The following SLC8A1 variants were observed in gnomAD, a reference collection of about 807,000 sequenced individuals.
SLC8A1 encodes solute carrier family 8 member A1.
In SLC8A1, 18 loss-of-function variants were observed where a neutral mutation model predicts 68.3. The ratio of observed to expected loss-of-function variants is 0.26; its 90% CI spans 0.18 to 0.39. The LOEUF (loss-of-function observed/expected upper bound fraction) is 0.39. Among genes scored for constraint, SLC8A1 ranks in the 10% least tolerant of loss-of-function variants. The probability of loss-of-function intolerance (pLI) is 1.00; values close to 1 mark genes in which losing one functional copy is unlikely to be tolerated. For synonymous variants in SLC8A1, 475 were observed against 415.5 expected (o/e 1.14, Z -1.74); for missense variants, 985 against 1,156.7 (o/e 0.85, Z 2.15).
At chr2:40,354,057 C>A (rs1006201797) in intron 2 of SLC8A1, among the ~76,000 whole-genome samples, 1 of 152,192 alleles carries the variant, frequency 6.6e-6, no homozygotes, top group Non-Finnish European at 1.5e-5. Flanking sequence ...GAAAGAGCCC[C>A]AGAAATGGGG....
chr2:40,159,111 TGGGGTCATCTC>T (rs1425877707), intron 6 of SLC8A1, among the ~76,000 whole-genome samples: 1 of 152,198 alleles, frequency 6.6e-6, no homozygotes, highest in Non-Finnish European at 1.5e-5. Context: ...GGTCTATTGA[TGGGGTCATCTC>T]GGCCATCTCT....
rs533285031 is a variant in SLC8A1 at position 40,285,500 on chromosome 2, T to C, written c.1809-107645A>G. Among the ~76,000 whole-genome samples the C allele has an allele frequency of 2.0e-5, 3 of 152,152 alleles. No individual in the cohort carries two copies. The South Asian group carries it at 6.2e-4, about 32-fold the overall frequency. On this transcript the variant is annotated intron_variant, in intron 2 of 7. Transcript: ENST00000406785. The stretch of plus-strand genomic sequence containing the variant: ...AGTATAGCAACAATTGGTCTAAATA[T>C]TAAGCTTTATCTATGTCACCCCACA...
At chr2:40,199,610 G>C (rs1280266651) in intron 2 of SLC8A1, among the ~76,000 whole-genome samples, 1 of 151,514 alleles carries the variant, frequency 6.6e-6, no homozygotes, top group Non-Finnish European at 1.5e-5. Flanking sequence ...AGGACTATAG[G>C]TATTAAGATT....
At chr2:40,337,269 T>C in intron 2 of SLC8A1, 2 of 315,948 alleles carry the variant, frequency 6.3e-6, no homozygotes, top group Non-Finnish European at 1.4e-5. Context: ...AATGTAGTAT[T>C]TTCTTAGGTA....
chr2:40,329,831 C>A (rs542858340), intron 2 of SLC8A1, among the ~76,000 whole-genome samples: 1 of 152,106 alleles, frequency 6.6e-6, no homozygotes, highest in Non-Finnish European at 1.5e-5. Flanking sequence ...TCCTGGCACG[C>A]TGTCACAGAT....
intron 2 of SLC8A1, among the ~76,000 whole-genome samples, chr2:40,183,351 A>G (rs1344015897): frequency 1.3e-5 from 2 of 152,240 alleles, no homozygotes; most frequent in Non-Finnish European, 1.5e-5. Context: ...TTAACAAAGA[A>G]TGACTGTATG....
At chr2:40,306,450 T>TG (rs1491218802) in intron 2 of SLC8A1, among the ~76,000 whole-genome samples, 3 of 127,428 alleles carry the variant, frequency 2.4e-5, no homozygotes, top group African/African-American at 6.1e-5. Context: ...AAGGAATGGT[T>TG]GTGGGGGGGG....
chr2:40,281,243 T>C (rs1575039601), intron 2 of SLC8A1, among the ~76,000 whole-genome samples: 1 of 150,186 alleles, frequency 6.7e-6, no homozygotes. Context: ...TTTGTGGTCA[T>C]GTATTTAAAA....
intron 7 of SLC8A1, among the ~76,000 whole-genome samples, chr2:40,124,426 C>G (rs945965621): frequency 6.6e-6 from 1 of 152,212 alleles, no homozygotes; most frequent in African/African-American, 2.4e-5. Context: ...CCACTGCATG[C>G]AACCTCAATC....
chr2:40,498,216 A>G (rs997251658), intron 1 of SLC8A1, among the ~76,000 whole-genome samples: 1 of 152,128 alleles, frequency 6.6e-6, no homozygotes, highest in Non-Finnish European at 1.5e-5. Context: ...CTGAATAGAC[A>G]GTTGCATATA....
At chr2:40,429,894 G>C in exon 2 of SLC8A1, 4 of 1,613,432 alleles carry the variant, frequency 2.5e-6, no homozygotes, top group Non-Finnish European at 3.4e-6. Context: ...TTTCATTCCA[G>C]ATCCTCACAG....
At chr2:40,506,709 T>C (rs1293951643) in intron 1 of SLC8A1, among the ~76,000 whole-genome samples, 1 of 152,004 alleles carries the variant, frequency 6.6e-6, no homozygotes, top group African/African-American at 2.4e-5. Flanking sequence ...TTGTTTTTCC[T>C]TTCCCCTGCC....
At chr2:40,450,351 A>AGTGT (rs141272449) in intron 1 of SLC8A1, among the ~76,000 whole-genome samples, 6,072 of 149,866 alleles carry the variant, frequency 0.041, 168 homozygotes, top group Non-Finnish European at 0.062. Context: ...AAAGCATGTG[A>AGTGT]GTGTGTGTGT....
chr2:40,319,612 A>T (rs1282474621), intron 2 of SLC8A1, among the ~76,000 whole-genome samples: 1 of 152,062 alleles, frequency 6.6e-6, no homozygotes, highest in African/African-American at 2.4e-5. Flanking sequence ...ATACTCCCAT[A>T]TATTATATAT....
chr2:40,434,167 C>G (rs1457246745), intron 1 of SLC8A1, among the ~76,000 whole-genome samples: 3 of 152,106 alleles, frequency 2.0e-5, no homozygotes, highest in Non-Finnish European at 2.9e-5. Flanking sequence ...GTAGACAGGT[C>G]AGTAAAAATC....
At chr2:40,278,107 A>G (rs1168445437) in intron 2 of SLC8A1, among the ~76,000 whole-genome samples, 1 of 151,982 alleles carries the variant, frequency 6.6e-6, no homozygotes, top group Non-Finnish European at 1.5e-5. Flanking sequence ...ACTGGTTTTT[A>G]CACTTTTAAT....
At chr2:40,363,610 GTAGT>G (rs1476492534) in intron 2 of SLC8A1, among the ~76,000 whole-genome samples, 3 of 152,064 alleles carry the variant, frequency 2.0e-5, no homozygotes, top group Non-Finnish European at 4.4e-5. Flanking sequence ...CAGTTGTTCA[GTAGT>G]TATTTATTTA....
intron 6 of SLC8A1, among the ~76,000 whole-genome samples, chr2:40,143,391 G>A (rs930007647): frequency 1.3e-5 from 2 of 152,118 alleles, no homozygotes. Context: ...ATGTTCACCA[G>A]CCTAGGGTTC....
At chr2:40,097,768 A>T (rs748806622) in exon 8 of SLC8A1, 1 of 151,950 alleles carries the variant, frequency 6.6e-6, no homozygotes, top group Non-Finnish European at 1.5e-5. Flanking sequence ...GTGATCATAA[A>T]CTCAATTCTT....
Sources: gnomAD v4.1 joint callset for allele counts (sites outside exome capture counted in the v4.1 genomes callset) on GRCh38, gnomAD v4.1.1 for gene constraint, MANE v1.5 for transcripts, NCBI Gene and HGNC (gene_info 2026-07-23, HGNC 2026-07-21) for gene names.